RALGPS1: variants seen among roughly 807,000 people sequenced by gnomAD.
RALGPS1 encodes the protein ras-specific guanine nucleotide-releasing factor RalGPS1.
A neutral mutation model predicts 78.8 loss-of-function variants in RALGPS1; 19 were observed. The observed-to-expected ratio is 0.24, with a 90% CI of 0.17 to 0.35. The LOEUF is 0.35. Ranked by LOEUF, RALGPS1 falls within the 10% of genes least tolerant of loss-of-function variation. RALGPS1 has a pLI of 1.00. For synonymous variants in RALGPS1, 228 were observed against 256.3 expected (o/e 0.89, Z 1.06); for missense variants, 454 against 688.3 (o/e 0.66, Z 3.81).
intron 8 of RALGPS1, chr9:127,088,862 T>A (rs1031976761): frequency 6.9e-5 from 106 of 1,546,618 alleles, no homozygotes; most frequent in Non-Finnish European, 8.6e-5. Context: ...GGTGAGGAGT[T>A]GTTCTTTGTG....
intron 8 of RALGPS1, among the ~76,000 whole-genome samples, chr9:127,099,403 T>C (rs914686845): frequency 1.2e-4 from 18 of 152,344 alleles, no homozygotes; most frequent in African/African-American, 4.3e-4. Flanking sequence ...TACCACTCCC[T>C]GAAACATTTT....
chr9:127,099,073 G>A (rs762683165), intron 8 of RALGPS1, among the ~76,000 whole-genome samples: 4 of 152,188 alleles, frequency 2.6e-5, no homozygotes, highest in East Asian at 1.9e-4. Context: ...AGGTGTGGGG[G>A]GAGGAGCAGA....
intron 4 of RALGPS1, among the ~76,000 whole-genome samples, chr9:126,991,790 G>A (rs939635820): frequency 1.3e-5 from 2 of 152,204 alleles, no homozygotes; most frequent in African/African-American, 2.4e-5. Flanking sequence ...GGAAGAGGGG[G>A]CCTAGAATGG....
intron 1 of RALGPS1, among the ~76,000 whole-genome samples, chr9:126,954,601 A>G (rs1049387908): frequency 6.6e-5 from 10 of 152,250 alleles, no homozygotes; most frequent in African/African-American, 1.7e-4. Flanking sequence ...AGCCTGGCCA[A>G]TGTGGTGAAA....
intron 4 of RALGPS1, among the ~76,000 whole-genome samples, chr9:127,000,522 TTCTTG>T (rs2043189863): frequency 2.0e-5 from 3 of 149,474 alleles, no homozygotes; most frequent in Non-Finnish European, 4.4e-5. Context: ...TGCTATTGAT[TTCTTG>T]TCTTGTCTTT....
At chr9:127,063,111 C>T (rs745905259) in intron 7 of RALGPS1, among the ~76,000 whole-genome samples, 2 of 152,092 alleles carry the variant, frequency 1.3e-5, no homozygotes, top group Non-Finnish European at 2.9e-5. Flanking sequence ...ATTATTCTCT[C>T]GAGGCAAGGG....
chr9:127,209,035 TCAACTCC>T (rs2062089935), intron 14 of RALGPS1, among the ~76,000 whole-genome samples: 1 of 152,156 alleles, frequency 6.6e-6, no homozygotes, highest in Non-Finnish European at 1.5e-5. Flanking sequence ...GACTCCATCC[TCAACTCC>T]CAACAGTCAG....
At chr9:126,944,685 C>T (rs2037095408) in intron 1 of RALGPS1, among the ~76,000 whole-genome samples, 1 of 152,128 alleles carries the variant, frequency 6.6e-6, no homozygotes, top group Non-Finnish European at 1.5e-5. Context: ...GGCTGCAAAA[C>T]AGTACAGAGC....
rs369688605 is a variant in RALGPS1 at position 127,107,984 on chromosome 9, C to T, written c.610+38628C>T. 2.5e-5 allele frequency: 40 copies of T among 1,581,928 alleles called. No homozygotes were observed. The highest frequency in any genetic ancestry group is 3.3e-5 in the Non-Finnish European group (38 of 1,159,310). The stretch of plus-strand genomic sequence containing the variant: ...ATAGTGGGCAGAGGGGGTGGCAGCA[C>T]CTTCAGGTTCTGGTCACTCTGGATC... On this transcript the variant is annotated intron_variant, in intron 8 of 18. Coordinates refer to ENST00000259351, the MANE Select transcript of RALGPS1 (RefSeq NM_014636.3).
At chr9:127,107,951 GAGTGGGCAT>G (rs2054383127) in intron 8 of RALGPS1, 2 of 1,550,956 alleles carry the variant, frequency 1.3e-6, no homozygotes, top group Non-Finnish European at 1.7e-6. Context: ...AGGCTGGTGA[GAGTGGGCAT>G]AGTGGGCAGA....
intron 8 of RALGPS1, among the ~76,000 whole-genome samples, chr9:127,074,448 G>A (rs2050501301): frequency 6.6e-6 from 1 of 152,158 alleles, no homozygotes; most frequent in Non-Finnish European, 1.5e-5. Flanking sequence ...GCAGATGGAA[G>A]GCATGTTGCT....
At chr9:127,011,999 T>G (rs1259781106) in intron 4 of RALGPS1, among the ~76,000 whole-genome samples, 1 of 152,220 alleles carries the variant, frequency 6.6e-6, no homozygotes, top group African/African-American at 2.4e-5. Context: ...ATAGCCTGTG[T>G]TGTTTGCCTT....
chr9:126,961,019 G>T (rs558450793), intron 1 of RALGPS1, among the ~76,000 whole-genome samples: 1 of 152,240 alleles, frequency 6.6e-6, no homozygotes, highest in South Asian at 2.1e-4. Context: ...GATAACTGCA[G>T]TTGGTTCCAG....
intron 8 of RALGPS1, among the ~76,000 whole-genome samples, chr9:127,074,558 G>T (rs1459497089): frequency 6.6e-6 from 1 of 152,198 alleles, no homozygotes; most frequent in Non-Finnish European, 1.5e-5. Flanking sequence ...GCAGCCCACG[G>T]GTTCCACTAG....
At chr9:127,015,750 G>A (rs2044754715) in intron 4 of RALGPS1, among the ~76,000 whole-genome samples, 1 of 152,100 alleles carries the variant, frequency 6.6e-6, no homozygotes, top group Non-Finnish European at 1.5e-5. Flanking sequence ...TGGAAAACAT[G>A]TGGGACACTT....
At chr9:127,073,446 T>TTGTG (rs372544285) in intron 8 of RALGPS1, among the ~76,000 whole-genome samples, 299 of 88,634 alleles carry the variant, frequency 3.4e-3, no homozygotes, top group African/African-American at 0.011. Context: ...TAGTACACCA[T>TTGTG]TGTGTGTGTG....
At chr9:126,951,854 C>T (rs1966003) in intron 1 of RALGPS1, among the ~76,000 whole-genome samples, 30,578 of 151,954 alleles carry the variant, frequency 0.2, 3,812 homozygotes, top group East Asian at 0.44. Context: ...AAAGGGTATT[C>T]AATTAGGAAA....
At chr9:127,194,194 C>T (rs1177944924) in intron 11 of RALGPS1, among the ~76,000 whole-genome samples, 2 of 152,218 alleles carry the variant, frequency 1.3e-5, no homozygotes, top group East Asian at 1.9e-4. Context: ...TGACCACCTG[C>T]AAGGTGAGTT....
chr9:127,075,118 G>T (rs1303030159), intron 8 of RALGPS1, among the ~76,000 whole-genome samples: 8 of 152,182 alleles, frequency 5.3e-5, no homozygotes, highest in Non-Finnish European at 1.0e-4. Flanking sequence ...CATCTCAGCT[G>T]CTGCTTCCTG....
Sources: gnomAD v4.1 joint callset for allele counts (sites outside exome capture counted in the v4.1 genomes callset) on GRCh38, gnomAD v4.1.1 for gene constraint, MANE v1.5 for transcripts, NCBI Gene and HGNC (gene_info 2026-07-23, HGNC 2026-07-21) for gene names.